The following PRRG2 variants were observed in gnomAD, a reference collection of about 807,000 sequenced individuals.
The protein encoded by PRRG2 is transmembrane gamma-carboxyglutamic acid protein 2.
PRRG2 carries 23 observed loss-of-function variants against 27.1 expected under a neutral mutation model. The ratio of observed to expected loss-of-function variants is 0.85; its 90% confidence interval spans 0.61 to 1.20. The LOEUF (loss-of-function observed/expected upper bound fraction) is 1.20. PRRG2 is among the 50% of genes most tolerant of loss of function. The pLI is 0.00. For missense variants in PRRG2, 276 were observed against 254.8 expected (o/e 1.08, Z -0.57); for synonymous variants, 104 against 103.4 (o/e 1.01, Z -0.03).
In PRRG2 at chr19:49,590,587, C is replaced by A. The variant is rs559665168; in HGVS notation, c.*198C>A. The stretch of plus-strand genomic sequence containing the variant: ...ATACACATGTTTTCGGCAACGTGTT[C>A]CCGTGTCCTGGCCCCTCACGGGCCC... On this transcript the variant is annotated 3_prime_UTR_variant, in exon 7 of 7. Transcript: ENST00000246794. The A allele has an allele frequency of 1.7e-5, 12 of 713,312 alleles. No individual in the cohort carries two copies. The highest frequency in any genetic ancestry group is 2.7e-5 in the East Asian group (1 of 37,728). 44.2% of individuals were successfully genotyped at this position (713,312 alleles called of 1,614,324 possible). A position where few individuals can be genotyped will look rare whatever the true frequency, so the allele number is the denominator to read the frequency against.
In PRRG2 at chr19:49,589,964, C is replaced by A. The variant is rs747306832; in HGVS notation, c.502C>A (p.Pro168Thr). The A allele has an allele frequency of 6.5e-7, 1 of 1,538,104 alleles. No homozygotes were observed. The highest frequency in any genetic ancestry group is 8.7e-7 in the Non-Finnish European group (1 of 1,143,704). The change falls in exon 6 of 7, where the codon CCC (proline) becomes ACC (threonine). Residue 168 changes from proline (P) to threonine (T), a missense_variant. Physicochemically the swap from Pro to Thr is conservative, Grantham distance 38 (BLOSUM62 -1). Transcript: ENST00000246794. ...GGGCCCACCGACGCCCCTGCCTCCA[C>A]CCCCACCCCCACCCCCAGGCCTCCC... ...PLGPPTPLPP[P>T]PPPPPGLPTY...
At chr19:49,581,663 T>C (rs1282156132) in intron 1 of PRRG2, among the ~76,000 whole-genome samples, 182 bp downstream of exon 1, 1 of 152,084 alleles carries the variant, frequency 6.6e-6, no homozygotes, top group Non-Finnish European at 1.5e-5. Flanking sequence ...GTAATCTTTG[T>C]TGTCTGTGGG....
Position 49,590,520 on chromosome 19 carries a change from C to T in PRRG2, c.*131C>T. On this transcript the variant is annotated 3_prime_UTR_variant, in exon 7 of 7. Transcript: ENST00000246794. ...ATGGTGGGAGTAGGGGTCATCCGGC[C>T]CGAGGCCTGCCCTGGCACACGCGTT... 7.7e-7 allele frequency: 1 copy of T among 1,293,806 alleles called. No homozygotes were observed. Among genetic ancestry groups the T allele is most frequent in the Middle Eastern group, 1.9e-4 (1 of 5,212 alleles). 80.1% of individuals were successfully genotyped at this position (1,293,806 alleles called of 1,614,324 possible). A position where few individuals can be genotyped will look rare whatever the true frequency, so the allele number is the denominator to read the frequency against.
intron 1 of PRRG2, among the ~76,000 whole-genome samples, chr19:49,581,791 G>A (rs1188385682): frequency 6.6e-6 from 1 of 152,120 alleles, no homozygotes; most frequent in Admixed American, 6.6e-5. Flanking sequence ...GACACAGTGG[G>A]GAAAGAAAGA....
intron 4 of PRRG2, among the ~76,000 whole-genome samples, chr19:49,586,239 G>C (rs116250452): frequency 6.6e-6 from 1 of 151,372 alleles, no homozygotes; most frequent in East Asian, 1.9e-4. Context: ...GCACCACCAC[G>C]CCCAGATACT....
chr19:49,581,948 T>C (rs895046296), intron 1 of PRRG2, among the ~76,000 whole-genome samples: 5 of 152,018 alleles, frequency 3.3e-5, no homozygotes, highest in Admixed American at 3.3e-4. Flanking sequence ...GGGATAATAA[T>C]AGGACTCCTG....
chr19:49,587,946 TG>T (rs201765606), intron 4 of PRRG2, among the ~76,000 whole-genome samples: 2 of 131,316 alleles, frequency 1.5e-5, no homozygotes, highest in African/African-American at 3.6e-5. Context: ...TTTTGGTTTT[TG>T]TTTGTTTGTT....
intron 4 of PRRG2, among the ~76,000 whole-genome samples, chr19:49,586,800 G>A (rs1004163808): frequency 6.6e-6 from 1 of 152,142 alleles, no homozygotes; most frequent in African/African-American, 2.4e-5. Context: ...GCGGTGAGCC[G>A]AGATTGCGCC....
rs553724945 is a variant in PRRG2, at chr19:49,584,139, C to G, written c.301+187C>G. On this transcript the variant is annotated intron_variant, in intron 4 of 6. Coordinates refer to ENST00000246794, the MANE Select transcript of PRRG2 (RefSeq NM_000951.3). ...ACCCCAGCTTGCCTGAGGAGCCCCCCACACCTTATTTTATTTTTAAATATT... is the reference window on the plus strand; with the variant it reads ...ACCCCAGCTTGCCTGAGGAGCCCCCGACACCTTATTTTATTTTTAAATATT... 5.9e-5 allele frequency among the ~76,000 whole-genome samples: 9 copies of G among 152,072 alleles called. No individual in the cohort carries two copies. In the East Asian group the frequency reaches 1.4e-3, roughly 23 times the overall value.
Position 49,583,231 on chromosome 19 carries a change from C to G in PRRG2, c.12C>G (p.His4Gln). The G allele has an allele frequency of 6.2e-7, 1 of 1,614,000 alleles. No individual in the cohort carries two copies. The highest frequency in any genetic ancestry group is 8.5e-7 in the Non-Finnish European group (1 of 1,179,934). The change falls in exon 2 of 7, where the codon CAC becomes CAG. Residue 4 changes from histidine (H) to glutamine (Q), a missense_variant. Coordinates refer to ENST00000246794, the MANE Select transcript of PRRG2 (RefSeq NM_000951.3). MRG[H>Q]PSLLLLYMAL... is the part of the protein sequence containing the mutation. ...GGTGTCTGGAAAATATGAGGGGCCA[C>G]CCCTCTCTGCTGCTGCTATATATGG... is the stretch of plus-strand genomic sequence containing the variant.
At position 49,589,914 on chromosome 19, in the gene PRRG2, G is replaced by C; in HGVS notation, c.452G>C (p.Ser151Thr). 6.2e-7 allele frequency: 1 copy of C among 1,612,872 alleles called. No homozygotes were observed. The highest frequency in any genetic ancestry group is 8.5e-7 in the Non-Finnish European group (1 of 1,179,950). Residue 151 changes from serine to threonine, a missense_variant, in exon 6 of 7, where the codon AGC becomes ACC. Ser to Thr is a moderately conservative substitution (Grantham distance 58, BLOSUM62 1). Transcript: ENST00000246794. ...GCTGTCCCCAGGGCCGGGCTCATTA[G>C]CCCTCTGAGTCCTTTGAACCCTCTG... is the stretch of plus-strand genomic sequence containing the variant. ...QPCPQEAGLI[S>T]PLSPLNPLGP...
Position 49,588,486 on chromosome 19 carries a change from C to T in PRRG2, c.302-11C>T. ...CCGAGACAGTGTCTCCCCTTCCCTACTTTCCTGCAGGGCGTGGACGAGTGG... is the reference window on the plus strand; with the variant it reads ...CCGAGACAGTGTCTCCCCTTCCCTATTTTCCTGCAGGGCGTGGACGAGTGG... On this transcript the variant is annotated splice_polypyrimidine_tract_variant and intron_variant, in intron 4 of 6. Coordinates refer to ENST00000246794, the MANE Select transcript of PRRG2 (RefSeq NM_000951.3). The T allele has an allele frequency of 6.3e-7, 1 of 1,587,248 alleles. No homozygotes were observed. The highest frequency in any genetic ancestry group is 8.6e-7 in the Non-Finnish European group (1 of 1,167,592).
chr19:49,586,394 T>G (rs1370134465), intron 4 of PRRG2, among the ~76,000 whole-genome samples: 2 of 151,260 alleles, frequency 1.3e-5, no homozygotes, highest in Admixed American at 6.6e-5. Flanking sequence ...GCCATTTTTT[T>G]TTTTTTTTTT....
At position 49,588,528 on chromosome 19, in the gene PRRG2, T is replaced by G; in HGVS notation, c.333T>G (p.Ala111=). 1.9e-6 allele frequency: 3 copies of G among 1,587,994 alleles called. No individual in the cohort carries two copies. The highest frequency in any genetic ancestry group is 2.6e-6 in the Non-Finnish European group (3 of 1,167,524). Reference sequence around the variant, plus strand: ...GACGAGTGGATGTGGCCAGCCTGGCTGTGGGGCTGACAGGTGGCATCCTGC... The same window carrying G: ...GACGAGTGGATGTGGCCAGCCTGGCGGTGGGGCTGACAGGTGGCATCCTGC... The part of the protein sequence containing the change: ...GRGRVDVASL[A]VGLTGGILLI... The change falls in exon 5 of 7, where the codon GCT becomes GCG. Residue 111 remains alanine (A), a synonymous_variant. Transcript: ENST00000246794.
At chr19:49,590,183 G>A (rs2080707394) in intron 6 of PRRG2, 131 bp downstream of exon 6, 4 of 1,394,054 alleles carry the variant, frequency 2.9e-6, no homozygotes, top group Non-Finnish European at 3.9e-6. Context: ...GTGCGGGGGC[G>A]GGGCCCCATG....
intron 2 of PRRG2, 59 bp from the exon 3 acceptor site, chr19:49,583,483 C>T (rs2080643972): frequency 6.3e-7 from 1 of 1,586,850 alleles, no homozygotes; most frequent in Non-Finnish European, 8.6e-7. Context: ...TTTCCATCCC[C>T]CTATGACTCC....
intron 4 of PRRG2, among the ~76,000 whole-genome samples, chr19:49,587,309 A>AGTACATGTG (rs2080677959): frequency 6.8e-6 from 1 of 148,092 alleles, no homozygotes; most frequent in Non-Finnish European, 1.5e-5. Flanking sequence ...TATTCCAAGT[A>AGTACATGTG]GTACATGTGA....
In PRRG2 at chr19:49,583,525, C is replaced by G. The variant is rs1378681506; in HGVS notation, c.86-17C>G. 6.2e-6 allele frequency: 10 copies of G among 1,612,766 alleles called. No individual in the cohort carries two copies. Among genetic ancestry groups the G allele is most frequent in the South Asian group, 4.4e-5 (4 of 91,038 alleles). ...AGGGACCCTCCATTTTTCTGTCCCT[C>G]ATGTCTTTGGGTCCAGAAGTCTTCC... is the stretch of plus-strand genomic sequence containing the variant. On this transcript the variant is annotated splice_polypyrimidine_tract_variant and intron_variant, in intron 2 of 6. Transcript: ENST00000246794.
chr19:49,590,340 T>G (rs2080710416), intron 6 of PRRG2, 31 bp from the exon 7 acceptor site: 1 of 1,613,932 alleles, frequency 6.2e-7, no homozygotes. Context: ...AGCCAGATCT[T>G]TGACTCCCTA....
Sources: allele counts gnomAD v4.1 joint callset (sites outside exome capture counted in the v4.1 genomes callset), GRCh38; gene constraint gnomAD v4.1.1; transcripts MANE v1.5; gene names NCBI Gene and HGNC (gene_info 2026-07-23, HGNC 2026-07-21).